TAFA4: variants seen among roughly 807,000 people sequenced by gnomAD.
The protein encoded by TAFA4 is chemokine-like protein TAFA-4.
A neutral mutation model predicts 21.1 loss-of-function variants in TAFA4; 20 were observed. The observed-to-expected ratio is 0.95, with a 90% CI of 0.67 to 1.38. The LOEUF (loss-of-function observed/expected upper bound fraction) is 1.38. Among genes scored for constraint, TAFA4 ranks in the 40% most tolerant of loss-of-function variants. The pLI, the probability that TAFA4 is intolerant of heterozygous loss-of-function variation, is 0.00. For missense variants in TAFA4, 211 were observed against 180.9 expected (o/e 1.17, Z -0.95); for synonymous variants, 71 against 67.4 (o/e 1.05, Z -0.26).
chr3:68,871,615 C>CT (rs2089483961), intron 3 of TAFA4, among the ~76,000 whole-genome samples: 1 of 152,004 alleles, frequency 6.6e-6, no homozygotes, highest in Non-Finnish European at 1.5e-5. Flanking sequence ...AAAAGATAAC[C>CT]TATGAAAAGG....
At chr3:68,787,644 C>T (rs1223944171) in intron 3 of TAFA4, among the ~76,000 whole-genome samples, 1 of 152,228 alleles carries the variant, frequency 6.6e-6, no homozygotes, top group African/African-American at 2.4e-5. Context: ...ATCTGATCTA[C>T]ACCACAAGCA....
At chr3:68,878,714 T>C (rs1008900897) in intron 3 of TAFA4, among the ~76,000 whole-genome samples, 1 of 152,194 alleles carries the variant, frequency 6.6e-6, no homozygotes, top group African/African-American at 2.4e-5. Flanking sequence ...GCCTGCTCAA[T>C]TATGATGGAA....
rs34285930 is a variant in TAFA4, at chr3:68,780,711, T to C, written c.131-27693A>G. Reference sequence around the variant, plus strand: ...TAAATTGCCCATTCTCAGGTATGTCTTTATCAGCAGCATGAAAACAGACTA... The same window carrying C: ...TAAATTGCCCATTCTCAGGTATGTCCTTATCAGCAGCATGAAAACAGACTA... On this transcript the variant is annotated intron_variant, in intron 3 of 5. Coordinates refer to ENST00000295569, the MANE Select transcript of TAFA4 (RefSeq NM_182522.5). 0.024 allele frequency among the ~76,000 whole-genome samples: 3,611 copies of C among 152,254 alleles called. 258 individuals carry two copies. The East Asian group carries it at 0.25, about 11-fold the overall frequency.
At chr3:68,749,642 C>T (rs1559758341) in intron 4 of TAFA4, among the ~76,000 whole-genome samples, 1 of 152,290 alleles carries the variant, frequency 6.6e-6, no homozygotes, top group East Asian at 1.9e-4. Flanking sequence ...TGACTTTGAT[C>T]CAATAAACAT....
chr3:68,890,747 C>T (rs984575523), intron 1 of TAFA4, among the ~76,000 whole-genome samples: 5 of 152,182 alleles, frequency 3.3e-5, no homozygotes, highest in African/African-American at 1.2e-4. Flanking sequence ...ATACCAGTCC[C>T]TTTTCATGCT....
intron 1 of TAFA4, among the ~76,000 whole-genome samples, chr3:68,912,296 T>C (rs1262425894): frequency 6.6e-6 from 1 of 152,172 alleles, no homozygotes; most frequent in African/African-American, 2.4e-5. Context: ...GTCTTTTTAT[T>C]TGCTTGCAGA....
chr3:68,872,174 A>T (rs2089490533), intron 3 of TAFA4, among the ~76,000 whole-genome samples: 1 of 151,972 alleles, frequency 6.6e-6, no homozygotes, highest in Admixed American at 6.6e-5. Context: ...GGATGAATGG[A>T]TAAAGCAAAT....
intron 3 of TAFA4, among the ~76,000 whole-genome samples, chr3:68,754,243 A>G (rs930813578): frequency 6.6e-6 from 1 of 152,172 alleles, no homozygotes; most frequent in Non-Finnish European, 1.5e-5. Context: ...TCTATATTCA[A>G]ATTTTGCCAA....
At position 68,877,611 on chromosome 3, in the gene TAFA4, C is replaced by T. The variant is rs1416247260; in HGVS notation, c.130+3119G>A. ...CAACACCCTTCTGGGTCACTCTGTT[C>T]CCCAGCTTGTTGAAGCCTTTCTCTC... is the stretch of plus-strand genomic sequence containing the variant. On this transcript the variant is annotated intron_variant, in intron 3 of 5. Transcript: ENST00000295569. Among the ~76,000 whole-genome samples, 3 of 152,176 alleles carry T rather than the reference C, an allele frequency of 2.0e-5. No individual in the cohort carries two copies. The East Asian group carries it at 5.8e-4, about 29-fold the overall frequency.
chr3:68,845,139 G>T (rs1179472814), intron 3 of TAFA4, among the ~76,000 whole-genome samples: 3 of 152,144 alleles, frequency 2.0e-5, no homozygotes, highest in Admixed American at 2.0e-4. Flanking sequence ...TTATTGTGTG[G>T]GAGTCTAAGT....
intron 3 of TAFA4, among the ~76,000 whole-genome samples, chr3:68,865,825 G>T (rs945580083): frequency 1.3e-5 from 2 of 152,028 alleles, no homozygotes; most frequent in African/African-American, 2.4e-5. Flanking sequence ...ATTTGAGGCT[G>T]AGATGTTCCC....
At chr3:68,789,061 G>A (rs1427381643) in intron 3 of TAFA4, among the ~76,000 whole-genome samples, 4 of 151,922 alleles carry the variant, frequency 2.6e-5, no homozygotes, top group African/African-American at 7.3e-5. Flanking sequence ...GTGAGACCCC[G>A]TCTCTACTAA....
At chr3:68,829,654 T>A (rs1050744951) in intron 3 of TAFA4, among the ~76,000 whole-genome samples, 2 of 152,182 alleles carry the variant, frequency 1.3e-5, no homozygotes, top group Non-Finnish European at 2.9e-5. Context: ...ATTCTCTTTT[T>A]CTGTTGGGTC....
rs1338608209 is a variant in TAFA4 at position 68,733,072 on chromosome 3, G to A, written c.*70C>T. 4 of 1,602,992 alleles carry A rather than the reference G, an allele frequency of 2.5e-6. No individual in the cohort carries two copies. The East Asian group carries it at 6.7e-5, about 27-fold the overall frequency. On this transcript the variant is annotated 3_prime_UTR_variant, in exon 6 of 6. Coordinates refer to ENST00000295569, the MANE Select transcript of TAFA4 (RefSeq NM_182522.5). ...AGACAATTTTCTGCAAAGGGGCCAT[G>A]ATGGGAATCCAAGCAAAAGAGCTCC...
At chr3:68,854,663 AT>A (rs375368386) in intron 3 of TAFA4, among the ~76,000 whole-genome samples, 12,975 of 142,450 alleles carry the variant, frequency 0.091, 669 homozygotes, top group Middle Eastern at 0.19. Flanking sequence ...TGTTTTTGTT[AT>A]TTTTTTTTTT....
Position 68,733,185 on chromosome 3 carries a change from C to T in TAFA4, c.412-32G>A, listed in dbSNP as rs760606511. ...CAAATCAAAATAAGGGAACATTCAA[C>T]ACTCTATACCCACCGAAATAACCAT... On this transcript the variant is annotated intron_variant, in intron 5 of 5. Coordinates refer to ENST00000295569, the MANE Select transcript of TAFA4 (RefSeq NM_182522.5). The T allele has an allele frequency of 4.4e-6, 7 of 1,609,164 alleles. No homozygotes were observed. The Admixed American group carries it at 8.4e-5, about 19-fold the overall frequency.
chr3:68,827,492 A>G (rs1309196296), intron 3 of TAFA4, among the ~76,000 whole-genome samples: 1 of 152,086 alleles, frequency 6.6e-6, no homozygotes, highest in Admixed American at 6.6e-5. Context: ...ACTAATTTAC[A>G]CTCCCGCCAA....
At chr3:68,863,583 C>T (rs1355507102) in intron 3 of TAFA4, among the ~76,000 whole-genome samples, 2 of 152,054 alleles carry the variant, frequency 1.3e-5, no homozygotes, top group East Asian at 3.9e-4. Context: ...AAACTGAGAC[C>T]AAGAGAGTAA....
intron 3 of TAFA4, among the ~76,000 whole-genome samples, chr3:68,791,054 A>G (rs1459611099): frequency 6.6e-6 from 1 of 152,156 alleles, no homozygotes; most frequent in Non-Finnish European, 1.5e-5. Flanking sequence ...TCTCCTATGG[A>G]CTGATCTCAA....
Sources: gnomAD v4.1 joint callset for allele counts (sites outside exome capture counted in the v4.1 genomes callset) on GRCh38, gnomAD v4.1.1 for gene constraint, MANE v1.5 for transcripts, NCBI Gene and HGNC (gene_info 2026-07-23, HGNC 2026-07-21) for gene names.